The following PRH1 variants were observed in gnomAD, a reference collection of about 807,000 sequenced individuals.
PRH1 encodes the protein salivary acidic proline-rich phosphoprotein 1/2.
In PRH1, 7 loss-of-function variants were observed where a neutral mutation model predicts 7.9. The observed-to-expected ratio is 0.89, with a 90% confidence interval of 0.50 to 1.67. The LOEUF is 1.67. Among genes scored for constraint, PRH1 ranks in the 40% most tolerant of loss-of-function variants. PRH1 has a pLI of 0.00. For missense variants in PRH1, 109 were observed against 223.6 expected, an observed-to-expected ratio of 0.49 and a Z score of 3.27; for synonymous variants, 45 against 80.8, an observed-to-expected ratio of 0.56 and a Z score of 2.38.
Position 10,883,052 on chromosome 12 carries a change from G to C in PRH1, c.100+9C>G. 3 of 1,610,900 alleles carry C rather than the reference G, an allele frequency of 1.9e-6. No homozygotes were observed. Among genetic ancestry groups the C allele is most frequent in the Non-Finnish European group, 1.7e-6 (2 of 1,177,058 alleles). ...AGACAGAGTTTACTGAGAATTTATTGGGATTTACCTGATATTACGAGGGGA... is the reference window on the plus strand; with the variant it reads ...AGACAGAGTTTACTGAGAATTTATTCGGATTTACCTGATATTACGAGGGGA... On this transcript the variant is annotated intron_variant, in intron 2 of 3. Coordinates refer to ENST00000543626, the MANE Select transcript of PRH1 (RefSeq NM_001393989.1).
At chr12:11,109,252 C>T (rs550290577) in intron 1 of PRH1, among the ~76,000 whole-genome samples, 1 of 152,324 alleles carries the variant, frequency 6.6e-6, no homozygotes, top group Non-Finnish European at 1.5e-5. Flanking sequence ...CATCAGCAGA[C>T]ATAAACTTTC....
downstream of PRH1, among the ~76,000 whole-genome samples, chr12:11,117,388 T>C (rs1945761552): frequency 6.6e-6 from 1 of 151,756 alleles, no homozygotes. Context: ...ATGAAAACTA[T>C]AAAACTCTAA....
Position 10,957,039 on chromosome 12 carries a change from C to T in PRH1, c.-59+16616G>A, listed in dbSNP as rs375508341. 2.6e-5 allele frequency among the ~76,000 whole-genome samples: 4 copies of T among 151,326 alleles called. No homozygotes were observed. The East Asian group carries it at 7.8e-4, about 29-fold the overall frequency. The stretch of plus-strand genomic sequence containing the variant: ...TTCCTGTCAAATTATCATTGATATT[C>T]TTCACAAAATTAGAAACAAACTATT... On this transcript the variant is annotated intron_variant, in intron 2 of 3. Transcript: ENST00000539853.
At chr12:10,900,481 G>C (rs1203737205) in intron 2 of PRH1, among the ~76,000 whole-genome samples, 2 of 151,754 alleles carry the variant, frequency 1.3e-5, no homozygotes, top group African/African-American at 4.8e-5. Context: ...ACCTGCTTTA[G>C]AGCAGGGTGG....
intron 1 of PRH1, among the ~76,000 whole-genome samples, chr12:11,082,310 A>AT (rs1228027370): frequency 6.4e-5 from 7 of 109,828 alleles, no homozygotes; most frequent in East Asian, 2.2e-4. Flanking sequence ...TAGATACACA[A>AT]TTTTTTTTTT....
chr12:11,097,886 A>C (rs1388475074), intron 1 of PRH1, among the ~76,000 whole-genome samples: 2 of 96,878 alleles, frequency 2.1e-5, no homozygotes, highest in East Asian at 5.2e-4. Flanking sequence ...TATGATTCTC[A>C]GCATTAGGCC....
intron 1 of PRH1, among the ~76,000 whole-genome samples, chr12:11,046,363 T>C (rs772627277): frequency 1.3e-5 from 2 of 152,148 alleles, no homozygotes; most frequent in Non-Finnish European, 2.9e-5. Flanking sequence ...ATGCATGGTA[T>C]AGGGACCAGA....
intron 1 of PRH1, among the ~76,000 whole-genome samples, chr12:11,152,709 G>A (rs1947136712): frequency 6.6e-6 from 1 of 152,148 alleles, no homozygotes. Flanking sequence ...CCCACTGTGG[G>A]CAAAGTATAA....
intron 1 of PRH1, among the ~76,000 whole-genome samples, chr12:11,098,257 T>C (rs1201874908): frequency 6.6e-6 from 1 of 150,724 alleles, no homozygotes; most frequent in Admixed American, 6.7e-5. Flanking sequence ...ATGCACCTAA[T>C]TTGTAAATCT....
intron 1 of PRH1, among the ~76,000 whole-genome samples, chr12:11,153,873 A>T (rs1947177540): frequency 6.6e-6 from 1 of 152,192 alleles, no homozygotes. Context: ...TATAATACAT[A>T]TAATGTGAAT....
At chr12:11,005,817 C>G (rs1374280188) in intron 1 of PRH1, 1 of 151,974 alleles carries the variant, frequency 6.6e-6, no homozygotes, top group Non-Finnish European at 1.5e-5. Context: ...ATAAGTTATT[C>G]TCTCGAATCT....
At chr12:11,149,117 G>A (rs1946976909) in intron 1 of PRH1, among the ~76,000 whole-genome samples, 1 of 151,728 alleles carries the variant, frequency 6.6e-6, no homozygotes, top group African/African-American at 2.4e-5. Context: ...GTATTTCTGT[G>A]GGATCGGTGG....
chr12:10,990,202 G>T (rs572377742), intron 1 of PRH1, among the ~76,000 whole-genome samples: 2 of 152,130 alleles, frequency 1.3e-5, no homozygotes, highest in African/African-American at 2.4e-5. Context: ...AAGGTGCCAA[G>T]AACATACTCT....
chr12:10,978,728 A>T (rs1056726112), intron 1 of PRH1, among the ~76,000 whole-genome samples: 2 of 152,214 alleles, frequency 1.3e-5, no homozygotes, highest in African/African-American at 4.8e-5. Flanking sequence ...TGCGAGCAAA[A>T]AACAAACACC....
In PRH1 at chr12:10,889,729, A is replaced by G. The variant is rs540330578; in HGVS notation, c.-58-5454T>C. 1.2e-4 allele frequency among the ~76,000 whole-genome samples: 19 copies of G among 152,280 alleles called. No homozygotes were observed. In the South Asian group the frequency reaches 3.7e-3, roughly 30 times the overall value. ...TATTTTACCCTGTATTGTTTAGAGT[A>G]TATAATTTCTATTGATCCAACCTCA... is the stretch of plus-strand genomic sequence containing the variant. On this transcript the variant is annotated intron_variant, in intron 2 of 3. Coordinates refer to the PRH1 transcript ENST00000539853.
At position 11,094,149 on chromosome 12, in the gene PRH1, A is replaced by C. The variant is rs1450949852; in HGVS notation, n.124-46961T>G. On this transcript the variant is annotated intron_variant and non_coding_transcript_variant, in intron 1 of 4. Transcript: ENST00000541977. The stretch of plus-strand genomic sequence containing the variant: ...AAACCCCGTCTCTACTAAAAATACA[A>C]AAATTAGCAGGGCATGGTGGTGTGG... Among the ~76,000 whole-genome samples the C allele has an allele frequency of 8.9e-5, 10 of 111,958 alleles. 3 individuals carry two copies. Among genetic ancestry groups the C allele is most frequent in the Non-Finnish European group, 2.1e-4 (10 of 47,818 alleles). 73.4% of individuals were successfully genotyped at this position (111,958 alleles called of 152,430 possible). A position where few individuals can be genotyped will look rare whatever the true frequency, so the allele number is the denominator to read the frequency against.
chr12:10,938,339 GCCTGTCT>G (rs768922607), intron 2 of PRH1: 1 of 1,613,990 alleles, frequency 6.2e-7, no homozygotes. Flanking sequence ...TGACAGAGAG[GCCTGTCT>G]CAGCTTCTTG....
intron 1 of PRH1, among the ~76,000 whole-genome samples, chr12:10,981,293 C>A (rs1228003330): frequency 2.6e-5 from 4 of 151,368 alleles, no homozygotes; most frequent in African/African-American, 9.7e-5. Context: ...GGAGCCTGAA[C>A]TAACACTAAT....
chr12:11,059,099 G>C (rs1373469451), intron 1 of PRH1, among the ~76,000 whole-genome samples: 2 of 152,152 alleles, frequency 1.3e-5, no homozygotes, highest in Non-Finnish European at 2.9e-5. Context: ...CTGCCTCAGG[G>C]AAACAATGGC....
Sources: allele counts gnomAD v4.1 joint callset (sites outside exome capture counted in the v4.1 genomes callset), GRCh38; gene constraint gnomAD v4.1.1; transcripts MANE v1.5; gene names NCBI Gene and HGNC (gene_info 2026-07-23, HGNC 2026-07-21).